CRPPA: variants seen among roughly 807,000 people sequenced by gnomAD.
CRPPA encodes the protein CDP-L-ribitol pyrophosphorylase A.
A neutral mutation model predicts 52.0 loss-of-function variants in CRPPA; 43 were observed. That is an observed-to-expected ratio of 0.83 (90% CI 0.65 to 1.07). The LOEUF (loss-of-function observed/expected upper bound fraction) is 1.07. CRPPA is among the 50% of genes least tolerant of loss of function. The probability of loss-of-function intolerance (pLI) is 0.00; values close to 1 mark genes in which losing one functional copy is unlikely to be tolerated. For missense variants in CRPPA, 629 were observed against 551.7 expected, an observed-to-expected ratio of 1.14 and a Z score of -1.40; for synonymous variants, 250 against 203.5, an observed-to-expected ratio of 1.23 and a Z score of -1.94.
chr7:16,342,457 C>T (rs962277815), intron 3 of CRPPA, among the ~76,000 whole-genome samples: 2 of 151,642 alleles, frequency 1.3e-5, no homozygotes, highest in Admixed American at 1.3e-4. Context: ...AAAGGTATTC[C>T]CAACTAAAGG....
intron 2 of CRPPA, among the ~76,000 whole-genome samples, chr7:16,401,809 A>G (rs1787823112): frequency 2.6e-5 from 4 of 152,004 alleles, no homozygotes. Flanking sequence ...AAGATTACGG[A>G]CCTCTAATTT....
At chr7:16,380,387 T>C (rs1787047480) in intron 2 of CRPPA, among the ~76,000 whole-genome samples, 1 of 152,156 alleles carries the variant, frequency 6.6e-6, no homozygotes, top group Non-Finnish European at 1.5e-5. Flanking sequence ...CTGGATTCAG[T>C]TTGCCGGTAT....
intron 5 of CRPPA, among the ~76,000 whole-genome samples, chr7:16,285,997 G>T (rs1183073486): frequency 4.0e-5 from 4 of 100,942 alleles, no homozygotes; most frequent in Admixed American, 3.5e-4. Context: ...TCCAGCTTAG[G>T]CAGTAAGAGT....
intron 3 of CRPPA, among the ~76,000 whole-genome samples, chr7:16,360,967 C>T (rs900280954): frequency 1.3e-5 from 2 of 151,932 alleles, no homozygotes; most frequent in Non-Finnish European, 2.9e-5. Flanking sequence ...ATAAATCATA[C>T]CTGAAAAGGT....
chr7:16,246,752 T>A (rs1002218109), intron 8 of CRPPA, among the ~76,000 whole-genome samples: 2 of 152,238 alleles, frequency 1.3e-5, no homozygotes, highest in Non-Finnish European at 2.9e-5. Context: ...GTCTCAAAAG[T>A]GGGCTTAAAA....
chr7:16,183,555 A>C (rs1781450966), intron 9 of CRPPA, among the ~76,000 whole-genome samples: 1 of 152,156 alleles, frequency 6.6e-6, no homozygotes, highest in South Asian at 2.1e-4. Context: ...GTATGTCTGA[A>C]TCTAGTCAAA....
At position 16,376,161 on chromosome 7, in the gene CRPPA, A is replaced by G; in HGVS notation, c.615T>C (p.Arg205=). The G allele has an allele frequency of 6.2e-7, 1 of 1,613,384 alleles. No homozygotes were observed. Among genetic ancestry groups the G allele is most frequent in the South Asian group, 1.1e-5 (1 of 90,946 alleles). ...ADGCLDYSLE[R]ARHRASEMPQ... ...GCATTTCACTTGCTCTGTGTCTGGC[A>G]CGTTCTAGCGAGTAGTCTAAGCAAC... The change falls in exon 3 of 10, where the codon CGT becomes CGC. Residue 205 remains arginine, a synonymous_variant. Coordinates refer to ENST00000407010, the MANE Select transcript of CRPPA (RefSeq NM_001101426.4).
At position 16,090,579 on chromosome 7, in the gene CRPPA, C is replaced by G. The variant is rs1222249851; in HGVS notation, c.*1116G>C. 6.9e-6 allele frequency: 1 copy of G among 144,774 alleles called. No homozygotes were observed. Among genetic ancestry groups the G allele is most frequent in the African/African-American group, 2.5e-5 (1 of 39,886 alleles). The allele number at this position is 144,774 out of a possible 1,614,324, so 9.0% of individuals were successfully genotyped here. The stretch of plus-strand genomic sequence containing the variant: ...AAAAAAAAAAAAAAAAAAAATTAGC[C>G]AGGTGTGGTGGCAGGTGCCTGTAAT... On this transcript the variant is annotated 3_prime_UTR_variant, in exon 10 of 10. Coordinates refer to ENST00000407010, the MANE Select transcript of CRPPA (RefSeq NM_001101426.4).
intron 2 of CRPPA, among the ~76,000 whole-genome samples, chr7:16,400,297 C>T (rs892927214): frequency 1.3e-5 from 2 of 152,168 alleles, no homozygotes; most frequent in African/African-American, 4.8e-5. Flanking sequence ...ACCAATGAGA[C>T]ACGGAACATG....
At chr7:16,114,197 T>A (rs780192461) in intron 9 of CRPPA, among the ~76,000 whole-genome samples, 1 of 150,110 alleles carries the variant, frequency 6.7e-6, no homozygotes, top group Non-Finnish European at 1.5e-5. Context: ...GAAATTGGAG[T>A]AAAAACAAAG....
rs114666902 is a variant in CRPPA at position 16,319,547 on chromosome 7, T to C, written c.685-10920A>G. Reference sequence around the variant, plus strand: ...TCTCCAATAGCTTTCTGTAGAGTGATTGGGTTAAGGTGTTTATGGGTACCT... The same window carrying C: ...TCTCCAATAGCTTTCTGTAGAGTGACTGGGTTAAGGTGTTTATGGGTACCT... On this transcript the variant is annotated intron_variant, in intron 3 of 9. Coordinates refer to ENST00000407010, the MANE Select transcript of CRPPA (RefSeq NM_001101426.4). Among the ~76,000 whole-genome samples the C allele has an allele frequency of 6.8e-3, 1,038 of 152,184 alleles. 11 individuals are homozygous for C. Among genetic ancestry groups the C allele is most frequent in the African/African-American group, 0.023 (970 of 41,520 alleles).
chr7:16,242,361 T>A (rs763664983), intron 8 of CRPPA, among the ~76,000 whole-genome samples: 3 of 152,174 alleles, frequency 2.0e-5, no homozygotes, highest in African/African-American at 7.2e-5. Context: ...AATGTTTTCA[T>A]CATTACTTAA....
intron 9 of CRPPA, among the ~76,000 whole-genome samples, chr7:16,194,641 G>A (rs1781690512): frequency 6.6e-6 from 1 of 152,008 alleles, no homozygotes; most frequent in South Asian, 2.1e-4. Context: ...TTGCTGTATT[G>A]CTTTAATGGT....
intron 1 of CRPPA, among the ~76,000 whole-genome samples, chr7:16,417,441 T>C (rs903353888): frequency 9.2e-5 from 14 of 152,216 alleles, no homozygotes; most frequent in African/African-American, 3.4e-4. Flanking sequence ...ACGTATACAC[T>C]ATGGAATACT....
At chr7:16,327,069 T>A (rs935400378) in intron 3 of CRPPA, among the ~76,000 whole-genome samples, 2 of 152,144 alleles carry the variant, frequency 1.3e-5, no homozygotes, top group Non-Finnish European at 2.9e-5. Context: ...ACAACTTAAC[T>A]TTTTGTTCTA....
At chr7:16,117,159 A>G (rs1371546654) in intron 9 of CRPPA, among the ~76,000 whole-genome samples, 1 of 152,248 alleles carries the variant, frequency 6.6e-6, no homozygotes, top group Non-Finnish European at 1.5e-5. Flanking sequence ...TTAACCATTA[A>G]GAAACATGCT....
intron 8 of CRPPA, among the ~76,000 whole-genome samples, chr7:16,242,115 C>T (rs1009755249): frequency 2.0e-5 from 3 of 151,312 alleles, no homozygotes; most frequent in Non-Finnish European, 2.9e-5. Flanking sequence ...CCACCACACC[C>T]GGCTAATTTT....
At chr7:16,092,091 C>A (rs557328248) in intron 9 of CRPPA, among the ~76,000 whole-genome samples, 11 of 152,302 alleles carry the variant, frequency 7.2e-5, no homozygotes, top group African/African-American at 2.2e-4. Flanking sequence ...TTTCTGACAA[C>A]CTTTGGCTCT....
At chr7:16,225,702 C>T (rs1782630619) in intron 8 of CRPPA, among the ~76,000 whole-genome samples, 1 of 151,804 alleles carries the variant, frequency 6.6e-6, no homozygotes. Context: ...AGGTTCTCTG[C>T]AGGCCATGTA....
Sources: gnomAD v4.1 joint callset for allele counts (sites outside exome capture counted in the v4.1 genomes callset) on GRCh38, gnomAD v4.1.1 for gene constraint, MANE v1.5 for transcripts, NCBI Gene and HGNC (gene_info 2026-07-23, HGNC 2026-07-21) for gene names.